Variants in PRPF18 observed in about 807,000 individuals in gnomAD.
PRPF18 encodes the protein pre-mRNA processing factor 18.
In PRPF18, 38 loss-of-function variants were observed where a neutral mutation model predicts 46.5. The observed-to-expected ratio is 0.82, with a 90% CI of 0.63 to 1.07. The LOEUF (loss-of-function observed/expected upper bound fraction) is 1.07, where lower values mean the gene tolerates loss of function less well. Ranked by LOEUF, PRPF18 falls within the 50% of genes least tolerant of loss-of-function variation. The pLI is 0.00. For synonymous variants in PRPF18, 152 were observed against 146.7 expected, an observed-to-expected ratio of 1.04 and a Z score of -0.26; for missense variants, 263 against 410.0, an observed-to-expected ratio of 0.64 and a Z score of 3.10.
the PRPF18 span, chr10:13,646,966 C>T: frequency 2.0e-6 from 2 of 984,088 alleles, no homozygotes; most frequent in Non-Finnish European, 2.4e-6. Flanking sequence ...CTTTTTCCTG[C>T]CCGTACCACT....
At chr10:13,608,583 T>A (rs529721717) in intron 4 of PRPF18, among the ~76,000 whole-genome samples, 1 of 152,258 alleles carries the variant, frequency 6.6e-6, no homozygotes, top group Admixed American at 6.5e-5. Context: ...TTTTATACTT[T>A]CACATGCAAT....
chr10:13,598,799 T>C (rs1056019125), intron 2 of PRPF18, among the ~76,000 whole-genome samples: 2 of 152,182 alleles, frequency 1.3e-5, no homozygotes, highest in Non-Finnish European at 2.9e-5. Flanking sequence ...TAAGAATCAC[T>C]TACATAGGTT....
In PRPF18 at chr10:13,628,625, A is replaced by G. The variant is rs189312907; in HGVS notation, c.949-1635A>G. Among the ~76,000 whole-genome samples, 1,203 of 152,240 alleles carry G rather than the reference A, an allele frequency of 7.9e-3. 9 individuals carry two copies. Among genetic ancestry groups the G allele is most frequent in the Middle Eastern group, 0.024 (7 of 294 alleles). The stretch of plus-strand genomic sequence containing the variant: ...GGTTGAATCCATGGACACATAACCC[A>G]TGGATACTGACTGTGATTAATATTT... On this transcript the variant is annotated intron_variant, in intron 9 of 9. Coordinates refer to ENST00000378572, the MANE Select transcript of PRPF18 (RefSeq NM_003675.4).
intron 4 of PRPF18, among the ~76,000 whole-genome samples, chr10:13,606,144 T>A (rs72767544): frequency 0.014 from 2,094 of 152,166 alleles, 33 homozygotes; most frequent in Non-Finnish European, 0.023. Flanking sequence ...AACTTAAAAG[T>A]TGAAAAAAAA....
chr10:13,625,041 A>G (rs2080479923), intron 9 of PRPF18, among the ~76,000 whole-genome samples: 1 of 152,232 alleles, frequency 6.6e-6, no homozygotes, highest in East Asian at 1.9e-4. Flanking sequence ...ATGATAATTA[A>G]TATCCTTAGA....
intron 9 of PRPF18, among the ~76,000 whole-genome samples, chr10:13,626,018 C>A (rs2080498614): frequency 1.3e-5 from 2 of 152,178 alleles, no homozygotes; most frequent in African/African-American, 4.8e-5. Context: ...CTCACATTTC[C>A]CTGTTTTGTA....
At chr10:13,588,234 C>T (rs2079905206) in intron 1 of PRPF18, among the ~76,000 whole-genome samples, 1 of 152,052 alleles carries the variant, frequency 6.6e-6, no homozygotes, top group South Asian at 2.1e-4. Context: ...TGGTGAAACC[C>T]CGTCTCTACT....
chr10:13,649,852 A>G, the PRPF18 span, among the ~76,000 whole-genome samples: 1 of 152,214 alleles, frequency 6.6e-6, no homozygotes, highest in African/African-American at 2.4e-5. Flanking sequence ...TGGGGCCACT[A>G]AATAGTTGCC....
chr10:13,632,084 G>C (rs932207633), downstream of PRPF18: 3 of 152,728 alleles, frequency 2.0e-5, no homozygotes, highest in African/African-American at 7.2e-5. Flanking sequence ...GCTCACGCCT[G>C]TAATCCCAGC....
chr10:13,597,681 T>G (rs1244257456), intron 2 of PRPF18, 146 bp downstream of exon 2: 5 of 1,596,898 alleles, frequency 3.1e-6, no homozygotes, highest in Admixed American at 1.7e-5. Context: ...GGTATGAGTT[T>G]TTGTTTTTGC....
In PRPF18 at chr10:13,613,806, G is replaced by A. The variant is rs1218953470; in HGVS notation, c.645G>A (p.Gln215=). The A allele has an allele frequency of 6.2e-7, 1 of 1,614,074 alleles. No individual in the cohort carries two copies. Among genetic ancestry groups the A allele is most frequent in the Non-Finnish European group, 8.5e-7 (1 of 1,179,980 alleles). ...AAGATTATGTGAAACGCAGTGTGCA[G>A]GGTAAACTGAACAGTGCGACCCAGA... ...AREDYVKRSV[Q]GKLNSATQKQ... The change falls in exon 7 of 10, where the codon CAG becomes CAA. Residue 215 remains glutamine (Q), a synonymous_variant. Transcript: ENST00000378572.
chr10:13,589,473 A>G (rs1474581819), intron 1 of PRPF18, among the ~76,000 whole-genome samples: 2 of 152,242 alleles, frequency 1.3e-5, no homozygotes, highest in African/African-American at 4.8e-5. Context: ...CTCCTTTATC[A>G]TAAGGAGTAA....
At chr10:13,591,677 A>G in intron 1 of PRPF18, 1 of 642,046 alleles carries the variant, frequency 1.6e-6, no homozygotes, top group Non-Finnish European at 2.8e-6. Flanking sequence ...CTGCTTGAAT[A>G]AGCATCAGTG....
the PRPF18 span, chr10:13,653,494 C>G: frequency 6.6e-6 from 1 of 152,158 alleles, no homozygotes; most frequent in African/African-American, 2.4e-5. Context: ...GACTCCGTCT[C>G]AAAAAAAGGC....
chr10:13,625,520 C>T (rs770322610), intron 9 of PRPF18, among the ~76,000 whole-genome samples: 19 of 152,102 alleles, frequency 1.2e-4, no homozygotes, highest in African/African-American at 1.7e-4. Flanking sequence ...CAATCTATAA[C>T]GTTTATAGCC....
At chr10:13,616,329 C>T (rs2080341069) in intron 8 of PRPF18, 69 bp from the exon 9 acceptor site, 5 of 1,460,442 alleles carry the variant, frequency 3.4e-6, no homozygotes, top group South Asian at 1.3e-5. Flanking sequence ...CTGTGAAATA[C>T]TTTCAGTAAG....
chr10:13,622,183 T>C (rs2080429713), intron 9 of PRPF18, among the ~76,000 whole-genome samples: 1 of 151,918 alleles, frequency 6.6e-6, no homozygotes, highest in African/African-American at 2.4e-5. Context: ...GGCAAGTTGT[T>C]GCATGATGAC....
At chr10:13,622,120 G>A (rs895252651) in intron 9 of PRPF18, among the ~76,000 whole-genome samples, 9 of 152,228 alleles carry the variant, frequency 5.9e-5, no homozygotes, top group Non-Finnish European at 7.3e-5. Context: ...TGTGGGTTGA[G>A]TGGCTTCATG....
At chr10:13,654,615 C>A in the PRPF18 span, 1 of 710,220 alleles carries the variant, frequency 1.4e-6, no homozygotes, top group South Asian at 1.7e-5. Flanking sequence ...GGCCAGAGGT[C>A]ACCATTTCCA....
Sources: gnomAD v4.1 joint callset for allele counts (sites outside exome capture counted in the v4.1 genomes callset) on GRCh38, gnomAD v4.1.1 for gene constraint, MANE v1.5 for transcripts, NCBI Gene and HGNC (gene_info 2026-07-23, HGNC 2026-07-21) for gene names.